Variants in WWOX observed in about 807,000 individuals in gnomAD.
WWOX encodes the protein WW domain-containing oxidoreductase.
Under a neutral mutation model 46.2 loss-of-function variants are expected in WWOX, and 69 were observed. The observed-to-expected ratio is 1.49, with a 90% CI of 1.23 to 1.82. The LOEUF (loss-of-function observed/expected upper bound fraction) is 1.82. Among genes scored for constraint, WWOX ranks in the 40% most tolerant of loss-of-function variants. The probability of loss-of-function intolerance (pLI) is 0.00; values close to 1 mark genes in which losing one functional copy is unlikely to be tolerated. For synonymous variants in WWOX, 359 were observed against 202.6 expected, an observed-to-expected ratio of 1.77 and a Z score of -6.56; for missense variants, 919 against 542.6, an observed-to-expected ratio of 1.69 and a Z score of -6.89.
intron 4 of WWOX, among the ~76,000 whole-genome samples, chr16:78,159,739 A>G (rs980373068): frequency 7.7e-5 from 11 of 141,994 alleles, no homozygotes; most frequent in Admixed American, 2.3e-4. Context: ...GGATATGAAC[A>G]CTATCAGTTA....
At chr16:78,381,978 G>A (rs1213844919) in intron 5 of WWOX, among the ~76,000 whole-genome samples, 1 of 152,112 alleles carries the variant, frequency 6.6e-6, no homozygotes, top group Non-Finnish European at 1.5e-5. Flanking sequence ...TGATCTTCCT[G>A]CCGCAGCCTC....
chr16:79,078,091 C>T (rs1230420148), intron 8 of WWOX: 1 of 152,126 alleles, frequency 6.6e-6, no homozygotes, highest in Non-Finnish European at 1.5e-5. Flanking sequence ...TTTTTTAGAA[C>T]TGGAAGTTTC....
chr16:78,802,794 T>G (rs1212909809), intron 8 of WWOX, among the ~76,000 whole-genome samples: 4 of 150,968 alleles, frequency 2.6e-5, no homozygotes, highest in Admixed American at 2.0e-4. Flanking sequence ...TGGGCGCCTG[T>G]AATCCCAGCT....
At chr16:78,749,745 C>A (rs549660715) in intron 8 of WWOX, among the ~76,000 whole-genome samples, 30 of 152,252 alleles carry the variant, frequency 2.0e-4, no homozygotes, top group African/African-American at 6.7e-4. Flanking sequence ...CCGTTAAAGC[C>A]GTATTGGATG....
At chr16:78,777,438 G>T (rs1018996020) in intron 8 of WWOX, among the ~76,000 whole-genome samples, 1 of 152,182 alleles carries the variant, frequency 6.6e-6, no homozygotes, top group Non-Finnish European at 1.5e-5. Context: ...AGTAGCTGAT[G>T]TGTCTAGTGG....
chr16:78,676,820 T>C (rs1045766640), intron 8 of WWOX, among the ~76,000 whole-genome samples: 4 of 152,230 alleles, frequency 2.6e-5, no homozygotes, highest in African/African-American at 9.6e-5. Context: ...TTTACCTTGA[T>C]AGGACCTCAG....
intron 8 of WWOX, among the ~76,000 whole-genome samples, chr16:79,094,409 C>G (rs898744407): frequency 2.6e-5 from 4 of 152,052 alleles, no homozygotes; most frequent in Admixed American, 2.0e-4. Flanking sequence ...GCCACCATGT[C>G]CAGCTAATTT....
intron 8 of WWOX, among the ~76,000 whole-genome samples, chr16:79,081,858 G>A (rs974603233): frequency 6.6e-6 from 1 of 152,104 alleles, no homozygotes; most frequent in African/African-American, 2.4e-5. Flanking sequence ...CACCTCTGTG[G>A]GTTAGGACCC....
At chr16:78,427,849 C>T (rs970737833) in intron 7 of WWOX, among the ~76,000 whole-genome samples, 1 of 151,946 alleles carries the variant, frequency 6.6e-6, no homozygotes, top group Non-Finnish European at 1.5e-5. Flanking sequence ...GCCTGTAATC[C>T]CAGCACTCAA....
At chr16:78,685,897 AAAAC>A (rs368950666) in intron 8 of WWOX, among the ~76,000 whole-genome samples, 7 of 120,886 alleles carry the variant, frequency 5.8e-5, no homozygotes, top group African/African-American at 1.7e-4. Flanking sequence ...GAGAGGAAAA[AAAAC>A]AAAAAAGAAA....
At chr16:78,687,133 C>T (rs186794790) in intron 8 of WWOX, among the ~76,000 whole-genome samples, 1 of 152,138 alleles carries the variant, frequency 6.6e-6, no homozygotes, top group East Asian at 1.9e-4. Context: ...AAAGGTTATA[C>T]ATTGAATAAC....
intron 8 of WWOX, among the ~76,000 whole-genome samples, chr16:78,662,508 A>G (rs1426525201): frequency 6.6e-6 from 1 of 152,164 alleles, no homozygotes; most frequent in Non-Finnish European, 1.5e-5. Context: ...GCTCATCCCG[A>G]TACCACTATC....
chr16:78,402,220 G>A (rs1283867302), intron 6 of WWOX, among the ~76,000 whole-genome samples: 2 of 152,200 alleles, frequency 1.3e-5, no homozygotes, highest in East Asian at 3.8e-4. Flanking sequence ...TTTCATATGA[G>A]TGGAGTTAGA....
intron 8 of WWOX, among the ~76,000 whole-genome samples, chr16:79,032,112 A>G (rs1035974218): frequency 2.2e-4 from 32 of 145,212 alleles, no homozygotes; most frequent in African/African-American, 7.2e-4. Context: ...TAATTTATAT[A>G]TAAATATGTG....
chr16:78,957,785 T>C (rs1304076903), intron 8 of WWOX, among the ~76,000 whole-genome samples: 2 of 152,206 alleles, frequency 1.3e-5, no homozygotes, highest in Non-Finnish European at 2.9e-5. Context: ...ATTAGGACTC[T>C]CTTGTCCTGT....
intron 5 of WWOX, among the ~76,000 whole-genome samples, chr16:78,237,910 A>G (rs999430232): frequency 6.6e-6 from 1 of 152,338 alleles, no homozygotes; most frequent in East Asian, 1.9e-4. Context: ...GTTTGCCAGC[A>G]TCTGATGTCC....
intron 8 of WWOX, among the ~76,000 whole-genome samples, chr16:79,081,007 C>T (rs1440102727): frequency 6.6e-6 from 1 of 152,142 alleles, no homozygotes; most frequent in Non-Finnish European, 1.5e-5. Flanking sequence ...CACGCACATG[C>T]ACACCCACCA....
intron 5 of WWOX, among the ~76,000 whole-genome samples, chr16:78,370,836 G>T: frequency 6.8e-6 from 1 of 146,298 alleles, no homozygotes. Context: ...GTTTTTCTCA[G>T]CCTATTCTTG....
chr16:78,847,150 G>A (rs1208096861), intron 8 of WWOX, among the ~76,000 whole-genome samples: 2 of 152,142 alleles, frequency 1.3e-5, no homozygotes, highest in African/African-American at 4.8e-5. Context: ...CATTCTCCAT[G>A]GAGGCTTGGT....
Sources: gnomAD v4.1 joint callset for allele counts (sites outside exome capture counted in the v4.1 genomes callset) on GRCh38, gnomAD v4.1.1 for gene constraint, MANE v1.5 for transcripts, NCBI Gene and HGNC (gene_info 2026-07-23, HGNC 2026-07-21) for gene names.